SESTD1: variants seen among roughly 807,000 people sequenced by gnomAD.
The protein encoded by SESTD1 is SEC14 and spectrin domain containing 1, also known as SEC14 domain and spectrin repeat-containing protein 1.
Under a neutral mutation model 101.7 loss-of-function variants are expected in SESTD1, and 43 were observed. That is an observed-to-expected ratio of 0.42 (90% CI 0.33 to 0.55). The LOEUF is 0.55. Ranked by LOEUF, SESTD1 falls within the 20% of genes least tolerant of loss-of-function variation. The pLI is 0.07. For synonymous variants in SESTD1, 283 were observed against 286.8 expected (o/e 0.99, Z 0.13); for missense variants, 647 against 815.1 (o/e 0.79, Z 2.51).
intron 9 of SESTD1, among the ~76,000 whole-genome samples, chr2:179,133,992 T>C (rs1422707029): frequency 2.0e-5 from 3 of 152,250 alleles, no homozygotes; most frequent in Non-Finnish European, 4.4e-5. Context: ...TTTCATAGCA[T>C]CTGCATTGTA....
intron 3 of SESTD1, among the ~76,000 whole-genome samples, chr2:179,177,827 A>C (rs1049285695): frequency 6.6e-6 from 1 of 152,218 alleles, no homozygotes; most frequent in African/African-American, 2.4e-5. Context: ...AGGAAAACAA[A>C]ACACAGTATA....
In SESTD1 at chr2:179,196,920, C is replaced by T. The variant is rs528646796; in HGVS notation, c.-25-5054G>A. On this transcript the variant is annotated intron_variant, in intron 1 of 17. Transcript: ENST00000428443. ...GAGCGCCTCTCCTCCTCCAAAGGAA[C>T]GCAGTTCCTCAACAACAACGGAACA... 1.4e-4 allele frequency among the ~76,000 whole-genome samples: 22 copies of T among 152,316 alleles called. 1 individual carries two copies. The South Asian group carries it at 1.7e-3, about 11-fold the overall frequency.
chr2:179,123,751 T>C lies in SESTD1; in HGVS notation c.1246A>G (p.Thr416Ala), dbSNP rs2044805380. The C allele has an allele frequency of 1.2e-6, 2 of 1,613,912 alleles. No individual in the cohort carries two copies. Among genetic ancestry groups the C allele is most frequent in the South Asian group, 1.1e-5 (1 of 91,070 alleles). ...APADGASIQQ[T>A]LKLLEEKLKS... ...AGCTTCTCTTCAAGCAGTTTTAAAG[T>C]TTGCTGAATCGATGCTCCATCAGCT... The change falls in exon 12 of 18, where the codon ACT becomes GCT. Residue 416 changes from threonine to alanine, a missense_variant. Physicochemically the swap from Thr to Ala is moderately conservative, Grantham distance 58 (BLOSUM62 0). Coordinates refer to ENST00000428443, the MANE Select transcript of SESTD1 (RefSeq NM_178123.5).
At chr2:179,122,957 A>G (rs963866698) in intron 12 of SESTD1, among the ~76,000 whole-genome samples, 1 of 152,168 alleles carries the variant, frequency 6.6e-6, no homozygotes, top group Non-Finnish European at 1.5e-5. Flanking sequence ...TGATTTTTCA[A>G]ACCAATTCCC....
At position 179,209,232 on chromosome 2, in the gene SESTD1, A is replaced by G. The variant is rs2046622910; in HGVS notation, c.-25-17366T>C. On this transcript the variant is annotated intron_variant, in intron 1 of 17. Coordinates refer to ENST00000428443, the MANE Select transcript of SESTD1 (RefSeq NM_178123.5). ...CTCCCAAATTTATAAAACAATTACT[A>G]CTAGACCGAAGAAATGAGACACATG... is the stretch of plus-strand genomic sequence containing the variant. 1.5e-5 allele frequency among the ~76,000 whole-genome samples: 2 copies of G among 134,526 alleles called. 1 individual carries two copies. The highest frequency in any genetic ancestry group is 5.6e-4 in the South Asian group (2 of 3,570). 88.3% of individuals were successfully genotyped at this position (134,526 alleles called of 152,430 possible).
intron 9 of SESTD1, among the ~76,000 whole-genome samples, chr2:179,133,481 T>G (rs531666664): frequency 6.6e-6 from 1 of 152,208 alleles, no homozygotes; most frequent in Non-Finnish European, 1.5e-5. Context: ...GCTGACACTC[T>G]ACCCACAATC....
chr2:179,121,796 C>A lies in SESTD1; in HGVS notation c.1416G>T (p.Met472Ile). The A allele has an allele frequency of 6.3e-7, 1 of 1,592,604 alleles. No individual in the cohort carries two copies. Among genetic ancestry groups the A allele is most frequent in the South Asian group, 1.2e-5 (1 of 86,942 alleles). Reference sequence around the variant, plus strand: ...TTTGTTTTCTAAGCTGCATATCTTCCATCACTCCTTGTATGTGGTCCACAT... The same window carrying A: ...TTTGTTTTCTAAGCTGCATATCTTCAATCACTCCTTGTATGTGGTCCACAT... ...KENVDHIQGV[M>I]EDMQLRKQRC... Residue 472 changes from methionine to isoleucine, a missense_variant, in exon 13 of 18, where the codon ATG becomes ATT. Physicochemically the swap from Met to Ile is conservative, Grantham distance 10. Transcript: ENST00000428443.
In SESTD1 at chr2:179,204,988, G is replaced by A. The variant is rs930936965; in HGVS notation, c.-25-13122C>T. Among the ~76,000 whole-genome samples the A allele has an allele frequency of 5.2e-5, 7 of 134,432 alleles. 3 individuals are homozygous for A. The highest frequency in any genetic ancestry group is 1.4e-4 in the Admixed American group (2 of 13,846). The allele number at this position is 134,432 out of a possible 152,430, so 88.2% of individuals were successfully genotyped here. A position where few individuals can be genotyped will look rare whatever the true frequency, so the allele number is the denominator to read the frequency against. On this transcript the variant is annotated intron_variant, in intron 1 of 17. Transcript: ENST00000428443. The stretch of plus-strand genomic sequence containing the variant: ...ATTTTCCTTATGGTATATGAGCAGA[G>A]ACAAATTCTCAGCTGCCTTTAATTC...
At chr2:179,155,164 C>T (rs2105454843) in intron 5 of SESTD1, among the ~76,000 whole-genome samples, 1 of 151,974 alleles carries the variant, frequency 6.6e-6, no homozygotes, top group African/African-American at 2.4e-5. Context: ...GATCCACCTG[C>T]CCTGGCCTCC....
intron 10 of SESTD1, among the ~76,000 whole-genome samples, chr2:179,125,389 C>T (rs540580643): frequency 1.3e-5 from 2 of 152,270 alleles, no homozygotes; most frequent in South Asian, 4.2e-4. Context: ...AACCCATGCC[C>T]CTGCCTGGCT....
intron 1 of SESTD1, among the ~76,000 whole-genome samples, chr2:179,258,586 G>A (rs1437526769): frequency 3.3e-5 from 5 of 152,186 alleles, no homozygotes; most frequent in Middle Eastern, 3.4e-3. Context: ...AAATTATAAC[G>A]CAGATTACTT....
chr2:179,198,176 C>G (rs931781978), intron 1 of SESTD1, among the ~76,000 whole-genome samples: 2 of 152,132 alleles, frequency 1.3e-5, no homozygotes, highest in African/African-American at 2.4e-5. Flanking sequence ...TCTGACAAAA[C>G]AGACTTTAAA....
At chr2:179,156,423 G>C (rs765538909) in intron 5 of SESTD1, among the ~76,000 whole-genome samples, 3 of 152,148 alleles carry the variant, frequency 2.0e-5, no homozygotes, top group Non-Finnish European at 4.4e-5. Context: ...GTTTTCCATA[G>C]TGGCTGTACT....
At position 179,176,539 on chromosome 2, in the gene SESTD1, C is replaced by T; in HGVS notation, c.165-1G>A. The stretch of plus-strand genomic sequence containing the variant: ...AAATCCTCTAGCCTTACACTTCTCA[C>T]TGAAACAAAATAAAATTACAAAGCA... On this transcript the variant is annotated splice_acceptor_variant, in intron 3 of 17. Transcript: ENST00000428443. LOFTEE classifies it high-confidence loss of function. 3 of 1,610,688 alleles carry T rather than the reference C, an allele frequency of 1.9e-6. No homozygotes were observed. The highest frequency in any genetic ancestry group is 2.5e-6 in the Non-Finnish European group (3 of 1,178,284).
At chr2:179,127,413 C>T (rs1435187765) in intron 10 of SESTD1, among the ~76,000 whole-genome samples, 1 of 152,188 alleles carries the variant, frequency 6.6e-6, no homozygotes, top group Non-Finnish European at 1.5e-5. Context: ...AAGCCTAGAA[C>T]AACACATGAC....
At chr2:179,245,144 C>T (rs932298332) in intron 1 of SESTD1, among the ~76,000 whole-genome samples, 1 of 152,072 alleles carries the variant, frequency 6.6e-6, no homozygotes, top group Non-Finnish European at 1.5e-5. Context: ...TGCTTCCGTC[C>T]AGGAGTTTGA....
chr2:179,218,860 C>A (rs1169207407), intron 1 of SESTD1, among the ~76,000 whole-genome samples: 3 of 152,212 alleles, frequency 2.0e-5, no homozygotes, highest in Non-Finnish European at 2.9e-5. Flanking sequence ...TAGAACCTAA[C>A]AGATTGACAG....
rs188447949 is a variant in SESTD1, at chr2:179,241,693, C to T, written c.-26+22806G>A. Among the ~76,000 whole-genome samples the T allele has an allele frequency of 7.2e-5, 11 of 152,092 alleles. No homozygotes were observed. In the East Asian group the frequency reaches 1.9e-3, roughly 27 times the overall value. The stretch of plus-strand genomic sequence containing the variant: ...ATCCCAGCACTTTGGGAGGCCAAGG[C>T]AGGCAGATCACGAGGTCAGGAGATC... On this transcript the variant is annotated intron_variant, in intron 1 of 17. Coordinates refer to ENST00000428443, the MANE Select transcript of SESTD1 (RefSeq NM_178123.5).
chr2:179,236,191 T>A (rs1479859604), intron 1 of SESTD1, among the ~76,000 whole-genome samples: 1 of 151,858 alleles, frequency 6.6e-6, no homozygotes, highest in Non-Finnish European at 1.5e-5. Flanking sequence ...TTTATTACAA[T>A]GAGTAATTAT....
Sources: gnomAD v4.1 joint callset for allele counts (sites outside exome capture counted in the v4.1 genomes callset) on GRCh38, gnomAD v4.1.1 for gene constraint, MANE v1.5 for transcripts, NCBI Gene and HGNC (gene_info 2026-07-23, HGNC 2026-07-21) for gene names.